The following UBE2E2 variants were observed in gnomAD, a reference collection of about 807,000 sequenced individuals.
UBE2E2 encodes the protein ubiquitin conjugating enzyme E2 E2.
A neutral mutation model predicts 24.7 loss-of-function variants in UBE2E2; 6 were observed. The ratio of observed to expected loss-of-function variants is 0.24; its 90% confidence interval spans 0.13 to 0.48. UBE2E2 has a LOEUF of 0.48. Among genes scored for constraint, UBE2E2 ranks in the 20% least tolerant of loss-of-function variants. The pLI, the probability that UBE2E2 is intolerant of heterozygous loss-of-function variation, is 0.99. For missense variants in UBE2E2, 169 were observed against 245.0 expected, an observed-to-expected ratio of 0.69 and a Z score of 2.07; for synonymous variants, 104 against 83.6, an observed-to-expected ratio of 1.24 and a Z score of -1.33.
At chr3:23,484,091 C>G (rs1285278351) in intron 3 of UBE2E2, among the ~76,000 whole-genome samples, 1 of 152,194 alleles carries the variant, frequency 6.6e-6, no homozygotes, top group Non-Finnish European at 1.5e-5. Flanking sequence ...AGGCCCTACA[C>G]TATCTAACCT....
intron 3 of UBE2E2, among the ~76,000 whole-genome samples, chr3:23,233,208 C>G (rs1450369789): frequency 6.6e-6 from 1 of 152,180 alleles, no homozygotes; most frequent in Non-Finnish European, 1.5e-5. Context: ...GTTTGAGAAT[C>G]AGGCTCCCTT....
chr3:23,442,363 A>G (rs763797497), intron 3 of UBE2E2, among the ~76,000 whole-genome samples: 1 of 150,554 alleles, frequency 6.6e-6, no homozygotes, highest in African/African-American at 2.5e-5. Flanking sequence ...CAACCCCCCA[A>G]AAAGGACTTG....
intron 3 of UBE2E2, among the ~76,000 whole-genome samples, chr3:23,226,213 T>C (rs1696821900): frequency 1.3e-5 from 2 of 149,820 alleles, no homozygotes; most frequent in African/African-American, 2.5e-5. Context: ...GTAACTAAAA[T>C]GGTATGTAGG....
chr3:23,509,021 G>A (rs1192220573), intron 4 of UBE2E2, among the ~76,000 whole-genome samples: 1 of 152,182 alleles, frequency 6.6e-6, no homozygotes, highest in Non-Finnish European at 1.5e-5. Flanking sequence ...AGAGAGAAGG[G>A]TAGGGTAACT....
chr3:23,359,805 CAG>C (rs772219959), intron 3 of UBE2E2, among the ~76,000 whole-genome samples: 79 of 152,266 alleles, frequency 5.2e-4, no homozygotes, highest in East Asian at 3.9e-3. Flanking sequence ...TGTACTCAGA[CAG>C]GGGAGATTCA....
chr3:23,327,342 C>A (rs974333710), intron 3 of UBE2E2, among the ~76,000 whole-genome samples: 1 of 152,106 alleles, frequency 6.6e-6, no homozygotes, highest in Admixed American at 6.5e-5. Context: ...CCTGTTGTTT[C>A]CTGACTTTTT....
At chr3:23,428,530 A>G (rs1047455622) in intron 3 of UBE2E2, among the ~76,000 whole-genome samples, 1 of 152,194 alleles carries the variant, frequency 6.6e-6, no homozygotes, top group African/African-American at 2.4e-5. Flanking sequence ...GCAGAAGTAA[A>G]GAAATTTAAG....
At chr3:23,269,001 T>C (rs1698151174) in intron 3 of UBE2E2, among the ~76,000 whole-genome samples, 1 of 151,894 alleles carries the variant, frequency 6.6e-6, no homozygotes, top group Non-Finnish European at 1.5e-5. Context: ...GCTAGCCATA[T>C]GTAGAAAGCT....
At chr3:23,517,698 CTTTA>C (rs1694773495) in intron 4 of UBE2E2, among the ~76,000 whole-genome samples, 1 of 152,066 alleles carries the variant, frequency 6.6e-6, no homozygotes, top group Non-Finnish European at 1.5e-5. Context: ...TTTCTGAAAT[CTTTA>C]TTTAGCTGTA....
At chr3:23,436,912 G>A (rs1381432252) in intron 3 of UBE2E2, among the ~76,000 whole-genome samples, 1 of 152,200 alleles carries the variant, frequency 6.6e-6, no homozygotes, top group Admixed American at 6.5e-5. Context: ...ATAATACTAT[G>A]AGCTGGGTGC....
intron 4 of UBE2E2, among the ~76,000 whole-genome samples, chr3:23,527,559 G>A (rs1306893618): frequency 6.6e-6 from 1 of 152,160 alleles, no homozygotes; most frequent in Non-Finnish European, 1.5e-5. Flanking sequence ...AAGGCCTCAG[G>A]ATGGAAGCTG....
chr3:23,570,398 C>T (rs1028675337), intron 5 of UBE2E2, among the ~76,000 whole-genome samples: 5 of 152,094 alleles, frequency 3.3e-5, no homozygotes. Context: ...CTTGCCCAGC[C>T]CAGCCCATTT....
intron 5 of UBE2E2, among the ~76,000 whole-genome samples, chr3:23,568,791 A>C (rs1478531526): frequency 2.0e-5 from 3 of 150,054 alleles, no homozygotes; most frequent in Admixed American, 6.6e-5. Context: ...TGGTGGGTAT[A>C]GACTAATGCA....
chr3:23,268,244 T>G (rs1698113923), intron 3 of UBE2E2, among the ~76,000 whole-genome samples: 2 of 147,852 alleles, frequency 1.4e-5, no homozygotes, highest in Non-Finnish European at 3.0e-5. Context: ...GGTATTCAAT[T>G]AGGAAAAGAG....
chr3:23,567,913 A>C (rs997713502), intron 5 of UBE2E2, among the ~76,000 whole-genome samples: 2 of 152,216 alleles, frequency 1.3e-5, no homozygotes, highest in African/African-American at 4.8e-5. Flanking sequence ...CAGAGCAATA[A>C]GTTTCCTCCT....
chr3:23,571,069 A>G (rs554635650), intron 5 of UBE2E2, among the ~76,000 whole-genome samples: 113 of 152,178 alleles, frequency 7.4e-4, no homozygotes, highest in African/African-American at 2.7e-3. Context: ...CACATAGACA[A>G]TAAAAAAGTA....
intron 3 of UBE2E2, among the ~76,000 whole-genome samples, chr3:23,419,677 A>G (rs962361973): frequency 1.3e-5 from 2 of 152,222 alleles, no homozygotes; most frequent in African/African-American, 2.4e-5. Flanking sequence ...CCCTGAGAGC[A>G]GGGACATACT....
chr3:23,447,472 G>A (rs1430349057), intron 3 of UBE2E2, among the ~76,000 whole-genome samples: 1 of 152,184 alleles, frequency 6.6e-6, no homozygotes, highest in East Asian at 1.9e-4. Flanking sequence ...CTTGCAAAAA[G>A]AATGTCAGCA....
chr3:23,327,091 G>A (rs1694911042), intron 3 of UBE2E2, among the ~76,000 whole-genome samples: 1 of 152,178 alleles, frequency 6.6e-6, no homozygotes, highest in Non-Finnish European at 1.5e-5. Flanking sequence ...CATTTGGGTT[G>A]GTTCCAAGTC....
Sources: allele counts gnomAD v4.1 joint callset (sites outside exome capture counted in the v4.1 genomes callset), GRCh38; gene constraint gnomAD v4.1.1; transcripts MANE v1.5; gene names NCBI Gene and HGNC (gene_info 2026-07-23, HGNC 2026-07-21).